The following CLDN2 variants were observed in gnomAD, a reference collection of about 807,000 sequenced individuals.
The protein encoded by CLDN2 is claudin 2, also known as claudin-2.
CLDN2 carries 1 observed loss-of-function variant against 8.2 expected under a neutral mutation model. The ratio of observed to expected loss-of-function variants is 0.12; its 90% CI spans 0.04 to 0.58. The LOEUF (loss-of-function observed/expected upper bound fraction) is 0.58. CLDN2 is among the 20% of genes least tolerant of loss of function. The probability of loss-of-function intolerance (pLI) is 0.90; values close to 1 mark genes in which losing one functional copy is unlikely to be tolerated. For synonymous variants in CLDN2, 70 were observed against 70.2 expected (o/e 1.00, Z 0.01); for missense variants, 108 against 172.9 (o/e 0.62, Z 2.11).
intron 1 of CLDN2, among the ~76,000 whole-genome samples, chrX:106,909,391 T>C (rs1346942579): frequency 1.8e-5 from 2 of 111,305 alleles, no homozygotes; most frequent in Non-Finnish European, 3.8e-5. Flanking sequence ...GAGAGTGGGC[T>C]GTCTTGGGAA....
intron 1 of CLDN2, chrX:106,901,058 A>G: frequency 1.0e-6 from 1 of 981,901 alleles, no homozygotes; most frequent in Non-Finnish European, 1.3e-6. Flanking sequence ...TTGTAACAGA[A>G]CCTTCTGCAT....
chrX:106,902,089 G>T, intron 1 of CLDN2: 1 of 1,056,320 alleles, frequency 9.5e-7, no homozygotes, highest in South Asian at 2.0e-5. Context: ...CCTGGTCACT[G>T]TTAATGCATG....
chrX:106,905,644 A>C (rs1933169086), intron 1 of CLDN2, among the ~76,000 whole-genome samples: 1 of 111,520 alleles, frequency 9.0e-6, no homozygotes, highest in Non-Finnish European at 1.9e-5. Flanking sequence ...TGTCACACTC[A>C]AGGATCTTTT....
chrX:106,928,399 C>A lies in CLDN2; in HGVS notation c.171C>A (p.His57Gln), dbSNP rs1253322406. Reference sequence around the variant, plus strand: ...GCCTCTGGATGGAATGTGCCACACACAGCACAGGCATCACCCAGTGTGACA... The same window carrying A: ...GCCTCTGGATGGAATGTGCCACACAAAGCACAGGCATCACCCAGTGTGACA... ...SKGLWMECATHSTGITQCDIY... is the reference protein window; with the variant it reads ...SKGLWMECATQSTGITQCDIY... The change falls in exon 2 of 2, where the codon CAC becomes CAA. Residue 57 changes from histidine (H) to glutamine (Q), a missense_variant. His to Gln is a conservative substitution (Grantham distance 24). Transcript: ENST00000336803. 1 of 1,210,529 alleles carries A rather than the reference C, an allele frequency of 8.3e-7. No homozygotes were observed. Among genetic ancestry groups the A allele is most frequent in the African/African-American group, 1.7e-5 (1 of 57,351 alleles).
intron 1 of CLDN2, among the ~76,000 whole-genome samples, chrX:106,924,054 G>A (rs187544406): frequency 1.8e-5 from 2 of 111,286 alleles, no homozygotes; most frequent in East Asian, 2.8e-4. Context: ...ATGAAGGAGA[G>A]AGACAAGGTG....
chrX:106,902,168 G>A, intron 1 of CLDN2: 2 of 1,194,480 alleles, frequency 1.7e-6, no homozygotes, highest in Non-Finnish European at 2.3e-6. Context: ...CATCTGCCTT[G>A]GGGAGTCATT....
chrX:106,926,292 G>C lies in CLDN2; in HGVS notation c.-178-1759G>C, dbSNP rs1933464846. On this transcript the variant is annotated intron_variant, in intron 1 of 1. Transcript: ENST00000336803. ...GTTCACTTTTGGACATGTCAAATTC[G>C]AGATGTCTATGAGATTTCCCTGTGG... Among the ~76,000 whole-genome samples, 4 of 111,535 alleles carry C rather than the reference G, an allele frequency of 3.6e-5. No homozygotes were observed. The South Asian group carries it at 1.5e-3, about 43-fold the overall frequency.
intron 1 of CLDN2, among the ~76,000 whole-genome samples, chrX:106,909,446 G>A (rs1933219756): frequency 9.0e-6 from 1 of 111,336 alleles, no homozygotes; most frequent in African/African-American, 3.3e-5. Context: ...GGAGAACGTT[G>A]AATGCCAGGT....
chrX:106,922,707 A>G (rs1321860258), intron 1 of CLDN2, among the ~76,000 whole-genome samples: 1 of 112,119 alleles, frequency 8.9e-6, no homozygotes, highest in Admixed American at 9.5e-5. Flanking sequence ...CTCAAAGATG[A>G]TTTGCAATTA....
chrX:106,908,736 G>C (rs938233089), intron 1 of CLDN2, among the ~76,000 whole-genome samples: 1 of 109,442 alleles, frequency 9.1e-6, no homozygotes, highest in African/African-American at 3.3e-5. Flanking sequence ...CCACAGGTGT[G>C]TCCCAACACC....
chrX:106,916,723 G>A (rs991127626), upstream of CLDN2, among the ~76,000 whole-genome samples: 1 of 111,315 alleles, frequency 9.0e-6, no homozygotes, highest in Non-Finnish European at 1.9e-5. Flanking sequence ...GACTGAAGGA[G>A]GACTGATTTC....
intron 1 of CLDN2, among the ~76,000 whole-genome samples, chrX:106,904,886 C>G (rs1472637429): frequency 8.9e-6 from 1 of 111,845 alleles, no homozygotes; most frequent in Non-Finnish European, 1.9e-5. Context: ...GTAGAATGGA[C>G]AGCGTGCAGA....
At chrX:106,904,768 G>C (rs1208958709) in intron 1 of CLDN2, among the ~76,000 whole-genome samples, 3 of 112,027 alleles carry the variant, frequency 2.7e-5, no homozygotes, top group African/African-American at 9.7e-5. Flanking sequence ...TATTAAAATT[G>C]GCATGGTAGA....
At chrX:106,906,496 T>A (rs970504787) in intron 1 of CLDN2, among the ~76,000 whole-genome samples, 1 of 111,278 alleles carries the variant, frequency 9.0e-6, no homozygotes, top group Admixed American at 9.6e-5. Context: ...CCAAACTTCC[T>A]TCAGCTCCTT....
intron 1 of CLDN2, among the ~76,000 whole-genome samples, chrX:106,921,976 A>G (rs1213086905): frequency 1.8e-5 from 2 of 112,404 alleles, no homozygotes; most frequent in Middle Eastern, 4.2e-3. Flanking sequence ...ATATTTGTCA[A>G]AGTGGCTTCC....
upstream of CLDN2, among the ~76,000 whole-genome samples, chrX:106,915,129 C>G (rs1037170485): frequency 1.8e-5 from 2 of 112,186 alleles, no homozygotes; most frequent in African/African-American, 6.5e-5. Flanking sequence ...CTTTTTGAGT[C>G]TGGCTTCTTT....
At chrX:106,904,640 C>T (rs1276155378) in intron 1 of CLDN2, among the ~76,000 whole-genome samples, 1 of 112,005 alleles carries the variant, frequency 8.9e-6, no homozygotes, top group African/African-American at 3.2e-5. Flanking sequence ...TGTTCACCTA[C>T]CCCCCATCTT....
intron 1 of CLDN2, among the ~76,000 whole-genome samples, chrX:106,902,961 T>G (rs1488913354): frequency 8.9e-6 from 1 of 112,258 alleles, no homozygotes; most frequent in Non-Finnish European, 1.9e-5. Flanking sequence ...GCGGGATTAG[T>G]GAGGTGAAAA....
intron 1 of CLDN2, 70 bp downstream of exon 1, chrX:106,920,621 T>A (rs763025969): frequency 4.4e-4 from 49 of 111,303 alleles, no homozygotes; most frequent in African/African-American, 1.5e-3. Flanking sequence ...TCCTTCCTAG[T>A]CACTATCCAT....
Sources: allele counts gnomAD v4.1 joint callset (sites outside exome capture counted in the v4.1 genomes callset), GRCh38; gene constraint gnomAD v4.1.1; transcripts MANE v1.5; gene names NCBI Gene and HGNC (gene_info 2026-07-23, HGNC 2026-07-21).